ATP2B4: variants seen among roughly 807,000 people sequenced by gnomAD.
ATP2B4 encodes ATPase plasma membrane Ca2+ transporting 4.
Under a neutral mutation model 110.3 loss-of-function variants are expected in ATP2B4, and 39 were observed. That is an observed-to-expected ratio of 0.35 (90% confidence interval 0.27 to 0.46). The LOEUF (loss-of-function observed/expected upper bound fraction) is 0.46. Among genes scored for constraint, ATP2B4 ranks in the 20% least tolerant of loss-of-function variants. The pLI is 1.00. For synonymous variants in ATP2B4, 538 were observed against 571.7 expected (o/e 0.94, Z 0.84); for missense variants, 1,135 against 1,530.9 (o/e 0.74, Z 4.32).
chr1:203,700,420 G>A, intron 5 of ATP2B4, 89 bp downstream of exon 5: 1 of 1,483,272 alleles, frequency 6.7e-7, no homozygotes, highest in Non-Finnish European at 9.0e-7. Context: ...CTCTGACTCT[G>A]TCCCATCTCC....
intron 1 of ATP2B4, among the ~76,000 whole-genome samples, chr1:203,660,670 G>A (rs768169233): frequency 3.9e-5 from 6 of 152,008 alleles, no homozygotes; most frequent in Non-Finnish European, 8.8e-5. Context: ...CATGGTGTGA[G>A]CACCTGTAAT....
At chr1:203,728,060 T>G in intron 20 of ATP2B4, 1 of 364,854 alleles carries the variant, frequency 2.7e-6, no homozygotes, top group South Asian at 2.2e-5. Flanking sequence ...AAACTCACCT[T>G]GTTATATCTC....
rs185410951 is a variant in ATP2B4, at chr1:203,736,202, C to T, written c.3310-3344C>T. 1.9e-3 allele frequency among the ~76,000 whole-genome samples: 288 copies of T among 152,300 alleles called. 2 individuals carry two copies. The highest frequency in any genetic ancestry group is 6.6e-3 in the African/African-American group (273 of 41,560). On this transcript the variant is annotated intron_variant, in intron 20 of 20. Coordinates refer to ENST00000357681, the MANE Select transcript of ATP2B4 (RefSeq NM_001684.5). ...GAAAACTGCCTGGCGCGGTGGCTCA[C>T]GCCTGTAATCCCAGCACTTTGGGAG...
At chr1:203,663,216 A>C (rs1284354673) in intron 1 of ATP2B4, among the ~76,000 whole-genome samples, 1 of 152,136 alleles carries the variant, frequency 6.6e-6, no homozygotes, top group African/African-American at 2.4e-5. Context: ...GCTGTACTAT[A>C]ATCATAGGCC....
At chr1:203,686,143 G>C (rs960802118) in intron 2 of ATP2B4, among the ~76,000 whole-genome samples, 1 of 152,070 alleles carries the variant, frequency 6.6e-6, no homozygotes, top group Non-Finnish European at 1.5e-5. Flanking sequence ...TCTTTATTCA[G>C]TCACTTTTAC....
At chr1:203,637,790 T>C (rs1663502158) in intron 1 of ATP2B4, among the ~76,000 whole-genome samples, 1 of 152,326 alleles carries the variant, frequency 6.6e-6, no homozygotes, top group East Asian at 1.9e-4. Context: ...CATCCATCTA[T>C]AGTCTGCTTT....
At chr1:203,633,964 C>T (rs942427435) in intron 1 of ATP2B4, among the ~76,000 whole-genome samples, 7 of 152,008 alleles carry the variant, frequency 4.6e-5, no homozygotes, top group East Asian at 1.9e-4. Flanking sequence ...GCAGGAGAAT[C>T]GCTTGAACCT....
Position 203,715,821 on chromosome 1 carries a change from T to C in ATP2B4, c.2406+1544T>C, listed in dbSNP as rs1333242809. The stretch of plus-strand genomic sequence containing the variant: ...CCATAACTTGCAGTTATTTGATACA[T>C]CTGTTAAGTCTCTTAACCTATCTCT... On this transcript the variant is annotated intron_variant, in intron 15 of 20. Coordinates refer to ENST00000357681, the MANE Select transcript of ATP2B4 (RefSeq NM_001684.5). Among the ~76,000 whole-genome samples the C allele has an allele frequency of 4.8e-5, 7 of 144,340 alleles. 1 individual carries two copies. The highest frequency in any genetic ancestry group is 7.6e-5 in the African/African-American group (3 of 39,486). 94.7% of individuals were successfully genotyped at this position (144,340 alleles called of 152,430 possible).
chr1:203,720,463 C>T lies in ATP2B4; in HGVS notation c.2407-86C>T, dbSNP rs986238526. ...ACTAGTGTGCCCTGTAGTATTTACACTGACTTCGGAAGCTTCCTGGAGGTC... is the reference window on the plus strand; with the variant it reads ...ACTAGTGTGCCCTGTAGTATTTACATTGACTTCGGAAGCTTCCTGGAGGTC... On this transcript the variant is annotated intron_variant, in intron 15 of 20. Coordinates refer to ENST00000357681, the MANE Select transcript of ATP2B4 (RefSeq NM_001684.5). The T allele has an allele frequency of 1.8e-5, 24 of 1,356,684 alleles. No homozygotes were observed. The African/African-American group carries it at 3.2e-4, about 18-fold the overall frequency. 84.0% of individuals were successfully genotyped at this position (1,356,684 alleles called of 1,614,324 possible). A position where few individuals can be genotyped will look rare whatever the true frequency, so the allele number is the denominator to read the frequency against.
At chr1:203,691,116 G>A (rs1221151151) in intron 2 of ATP2B4, among the ~76,000 whole-genome samples, 3 of 152,154 alleles carry the variant, frequency 2.0e-5, no homozygotes, top group East Asian at 1.9e-4. Flanking sequence ...GGATCTTCAC[G>A]AGGAGAGTAG....
At chr1:203,728,216 C>G (rs1300706183) in intron 20 of ATP2B4, 2 of 470,016 alleles carry the variant, frequency 4.3e-6, no homozygotes, top group African/African-American at 2.0e-5. Context: ...CAAGCCTCTT[C>G]CCTTCTTGCA....
chr1:203,637,357 CGGGGG>C (rs777406643), intron 1 of ATP2B4, among the ~76,000 whole-genome samples: 5 of 137,722 alleles, frequency 3.6e-5, no homozygotes, highest in African/African-American at 1.3e-4. Context: ...CGTGAACCCC[CGGGGG>C]GGGGCGGAGC....
Position 203,703,893 on chromosome 1 carries a change from G to A in ATP2B4, c.1099+80G>A, listed in dbSNP as rs545338446. 12 of 1,478,296 alleles carry A rather than the reference G, an allele frequency of 8.1e-6. No homozygotes were observed. In the South Asian group the frequency reaches 8.2e-5, roughly 10 times the overall value. 91.6% of individuals were successfully genotyped at this position (1,478,296 alleles called of 1,614,324 possible). The stretch of plus-strand genomic sequence containing the variant: ...ACTTTTATCCCCTTCTTTCTGCACC[G>A]ACCGAGACTGGCAGAAAGAAGCTGA... On this transcript the variant is annotated intron_variant, in intron 8 of 20. Coordinates refer to ENST00000357681, the MANE Select transcript of ATP2B4 (RefSeq NM_001684.5).
At chr1:203,723,488 TC>T (rs1479044646) in intron 18 of ATP2B4, among the ~76,000 whole-genome samples, 32 of 118,708 alleles carry the variant, frequency 2.7e-4, no homozygotes, top group Admixed American at 2.0e-3. Context: ...CTCTCTCTTT[TC>T]CCCCCTCCCC....
intron 20 of ATP2B4, among the ~76,000 whole-genome samples, chr1:203,734,088 T>G (rs1158792859): frequency 1.3e-5 from 2 of 152,102 alleles, no homozygotes; most frequent in Non-Finnish European, 2.9e-5. Flanking sequence ...GATCACGAGG[T>G]CAGGAGATCA....
chr1:203,677,591 T>A (rs954289015), intron 1 of ATP2B4, among the ~76,000 whole-genome samples: 1 of 152,180 alleles, frequency 6.6e-6, no homozygotes, highest in African/African-American at 2.4e-5. Context: ...GCCTCCCAAG[T>A]AGTTGGGATT....
At chr1:203,678,651 G>A (rs987686750) in intron 1 of ATP2B4, among the ~76,000 whole-genome samples, 3 of 152,070 alleles carry the variant, frequency 2.0e-5, no homozygotes, top group East Asian at 3.9e-4. Context: ...CGATTCTCCC[G>A]CCTCAGCCTT....
At chr1:203,698,408 AC>A in intron 3 of ATP2B4, 54 bp downstream of exon 3, 1 of 1,566,606 alleles carries the variant, frequency 6.4e-7, no homozygotes, top group Non-Finnish European at 8.8e-7. Context: ...TTCCACCACC[AC>A]CACCAAGCGC....
chr1:203,720,839 C>A (rs979019761), intron 16 of ATP2B4, 99 bp downstream of exon 16: 3 of 1,366,602 alleles, frequency 2.2e-6, no homozygotes, highest in Non-Finnish European at 3.0e-6. Flanking sequence ...GTAAAGACAG[C>A]GTTTCCCCAT....
Sources: gnomAD v4.1 joint callset for allele counts (sites outside exome capture counted in the v4.1 genomes callset) on GRCh38, gnomAD v4.1.1 for gene constraint, MANE v1.5 for transcripts, NCBI Gene and HGNC (gene_info 2026-07-23, HGNC 2026-07-21) for gene names.